The following ATP11C variants were observed in gnomAD, a reference collection of about 807,000 sequenced individuals.
ATP11C encodes the protein phospholipid-transporting ATPase IG.
ATP11C carries 36 observed loss-of-function variants against 97.4 expected under a neutral mutation model. That is an observed-to-expected ratio of 0.37 (90% confidence interval 0.28 to 0.49). ATP11C has a LOEUF of 0.49. Among genes scored for constraint, ATP11C ranks in the 20% least tolerant of loss-of-function variants. The probability of loss-of-function intolerance (pLI) is 0.98; values close to 1 mark genes in which losing one functional copy is unlikely to be tolerated. For synonymous variants in ATP11C, 275 were observed against 290.9 expected, an observed-to-expected ratio of 0.95 and a Z score of 0.56; for missense variants, 730 against 824.6, an observed-to-expected ratio of 0.89 and a Z score of 1.40.
intron 4 of ATP11C, among the ~76,000 whole-genome samples, chrX:139,815,375 T>C (rs1437007525): frequency 8.9e-6 from 1 of 112,079 alleles, no homozygotes; most frequent in Non-Finnish European, 1.9e-5. Flanking sequence ...ATCACTTACA[T>C]ATAATCTTTT....
chrX:139,888,422 C>T (rs1269602521), intron 1 of ATP11C, among the ~76,000 whole-genome samples: 1 of 110,994 alleles, frequency 9.0e-6, no homozygotes, highest in Non-Finnish European at 1.9e-5. Context: ...TGAGCCACTG[C>T]GCCCAGCCCA....
At chrX:139,796,917 GAAAA>G (rs201123102) in intron 11 of ATP11C, among the ~76,000 whole-genome samples, 1 of 109,326 alleles carries the variant, frequency 9.1e-6, no homozygotes, top group African/African-American at 3.3e-5. Flanking sequence ...TAAAGTAAAA[GAAAA>G]AAAACTCTTT....
chrX:139,771,883 G>A (rs1346757941), intron 19 of ATP11C, among the ~76,000 whole-genome samples: 3 of 112,085 alleles, frequency 2.7e-5, no homozygotes, highest in Non-Finnish European at 3.8e-5. Flanking sequence ...CTGATGATGC[G>A]ACAGAAAAGA....
chrX:139,761,859 C>T, intron 22 of ATP11C, 102 bp downstream of exon 22: 1 of 586,510 alleles, frequency 1.7e-6, no homozygotes, highest in Non-Finnish European at 2.4e-6. Flanking sequence ...TATGAGATAT[C>T]AAAAGCAGCA....
chrX:139,852,379 C>T (rs1386023356), intron 1 of ATP11C, among the ~76,000 whole-genome samples: 1 of 94,563 alleles, frequency 1.1e-5, no homozygotes, highest in Non-Finnish European at 2.1e-5. Context: ...GCACCCTGCC[C>T]TATTGTGGTG....
intron 1 of ATP11C, among the ~76,000 whole-genome samples, chrX:139,906,908 G>C (rs757851051): frequency 9.7e-4 from 108 of 111,664 alleles, no homozygotes; most frequent in African/African-American, 3.4e-3. Context: ...GATGGGGTCT[G>C]ATAAGGTCCT....
At chrX:139,817,790 G>A (rs1344592962) in intron 3 of ATP11C, among the ~76,000 whole-genome samples, 1 of 111,896 alleles carries the variant, frequency 8.9e-6, no homozygotes, top group Non-Finnish European at 1.9e-5. Context: ...AATGCCAAGA[G>A]TTAGATGTAA....
chrX:139,918,721 A>ACAACATGG (rs1477023741), intron 1 of ATP11C, among the ~76,000 whole-genome samples: 1 of 108,393 alleles, frequency 9.2e-6, no homozygotes, highest in Non-Finnish European at 1.9e-5. Context: ...CTCACATGCT[A>ACAACATGG]CAACATGGAG....
At chrX:139,929,109 G>A (rs1466722463) in intron 1 of ATP11C, among the ~76,000 whole-genome samples, 1 of 111,953 alleles carries the variant, frequency 8.9e-6, no homozygotes, top group African/African-American at 3.3e-5. Flanking sequence ...TGCCTTTGAA[G>A]AAAATAAATT....
chrX:139,859,291 T>A lies in ATP11C; in HGVS notation c.28-32468A>T, dbSNP rs572234325. 2.5e-4 allele frequency among the ~76,000 whole-genome samples: 28 copies of A among 111,628 alleles called. 1 individual carries two copies. In the South Asian group the frequency reaches 0.011, roughly 42 times the overall value. On this transcript the variant is annotated intron_variant, in intron 1 of 29. Transcript: ENST00000682941. ...GTGTTCTATAGCACTGTAGGGTGAC[T>A]ACAATTAATAATTTATTCCATATTT...
At chrX:139,819,009 T>A (rs1035533487) in intron 3 of ATP11C, among the ~76,000 whole-genome samples, 3 of 111,828 alleles carry the variant, frequency 2.7e-5, no homozygotes, top group African/African-American at 9.7e-5. Context: ...AACTACTAGT[T>A]TGAACTATTT....
At chrX:139,800,177 G>A (rs2147781676) in intron 7 of ATP11C, 67 bp from the exon 8 acceptor site, 1 of 753,325 alleles carries the variant, frequency 1.3e-6, no homozygotes, top group East Asian at 3.3e-5. Flanking sequence ...CCAGAAATAT[G>A]AGAATGAATG....
chrX:139,780,010 G>A (rs1021709665), intron 18 of ATP11C, among the ~76,000 whole-genome samples: 6 of 110,690 alleles, frequency 5.4e-5, no homozygotes, highest in African/African-American at 1.6e-4. Context: ...TGAACCAGAA[G>A]GAAAAAGAAA....
intron 1 of ATP11C, among the ~76,000 whole-genome samples, chrX:139,854,962 C>T (rs754240700): frequency 8.9e-6 from 1 of 111,854 alleles, no homozygotes; most frequent in African/African-American, 3.2e-5. Flanking sequence ...CTAACCTGCT[C>T]TTTAACAAAA....
At chrX:139,854,206 G>A (rs1236633497) in intron 1 of ATP11C, among the ~76,000 whole-genome samples, 1 of 112,467 alleles carries the variant, frequency 8.9e-6, no homozygotes, top group Non-Finnish European at 1.9e-5. Context: ...AGTACTTACA[G>A]AATCAGGAAG....
intron 11 of ATP11C, among the ~76,000 whole-genome samples, chrX:139,796,823 T>A (rs866759313): frequency 2.7e-5 from 3 of 111,960 alleles, no homozygotes; most frequent in South Asian, 7.5e-4. Flanking sequence ...CACATACTCC[T>A]ATTACATTAA....
chrX:139,747,975 A>G (rs1018665099), intron 24 of ATP11C, among the ~76,000 whole-genome samples: 15 of 111,625 alleles, frequency 1.3e-4, no homozygotes, highest in African/African-American at 4.9e-4. Flanking sequence ...CGCAAAATTC[A>G]ATAAATCATG....
chrX:139,826,332 AAATTCTTTTATAAAAGAATTT>A (rs748801410), intron 2 of ATP11C, among the ~76,000 whole-genome samples: 1 of 110,175 alleles, frequency 9.1e-6, no homozygotes, highest in Non-Finnish European at 1.9e-5. Context: ...AAAAGAATGC[AAATTCTTTTATAAAAGAATTT>A]GCATTCTTTT....
intron 5 of ATP11C, among the ~76,000 whole-genome samples, chrX:139,808,284 G>A (rs1183664702): frequency 9.0e-6 from 1 of 111,387 alleles, no homozygotes; most frequent in Non-Finnish European, 1.9e-5. Context: ...TGTAATTGGA[G>A]TACCGGAAGA....
Sources: allele counts gnomAD v4.1 joint callset (sites outside exome capture counted in the v4.1 genomes callset), GRCh38; gene constraint gnomAD v4.1.1; transcripts MANE v1.5; gene names NCBI Gene and HGNC (gene_info 2026-07-23, HGNC 2026-07-21).